The following POLR1A variants were observed in gnomAD, a reference collection of about 807,000 sequenced individuals.
POLR1A encodes the protein DNA-directed RNA polymerase I subunit RPA1.
Under a neutral mutation model 205.3 loss-of-function variants are expected in POLR1A, and 84 were observed. That is an observed-to-expected ratio of 0.41 (90% CI 0.34 to 0.49). POLR1A has a LOEUF of 0.49. Among genes scored for constraint, POLR1A ranks in the 20% least tolerant of loss-of-function variants. The pLI is 0.22. For synonymous variants in POLR1A, 799 were observed against 863.7 expected (o/e 0.93, Z 1.31); for missense variants, 1,645 against 2,204.5 (o/e 0.75, Z 5.08).
Position 86,088,814 on chromosome 2 carries a change from A to G in POLR1A, c.597T>C (p.His199=), listed in dbSNP as rs1395590909. 3.7e-6 allele frequency: 6 copies of G among 1,614,034 alleles called. No homozygotes were observed. The highest frequency in any genetic ancestry group is 4.2e-6 in the Non-Finnish European group (5 of 1,179,920). ...SKLIALFWKA[H]MNAKRCPHCK... ...AGTGGGGACAGCGCTTAGCATTCAT[A>G]TGTGCCTTCCAGAAGAGAGCAATGA... Residue 199 remains histidine (H), a synonymous_variant, in exon 5 of 34, where the codon CAT becomes CAC. Transcript: ENST00000263857.
At chr2:86,080,136 C>T (rs972984539) in intron 9 of POLR1A, among the ~76,000 whole-genome samples, 31 of 152,106 alleles carry the variant, frequency 2.0e-4, no homozygotes, top group Non-Finnish European at 3.7e-4. Flanking sequence ...AGTCTGAGAA[C>T]CCGGACTGTC....
chr2:86,099,168 G>A (rs1160915204), intron 2 of POLR1A, among the ~76,000 whole-genome samples: 1 of 151,994 alleles, frequency 6.6e-6, no homozygotes, highest in African/African-American at 2.4e-5. Context: ...TGGCCAACAT[G>A]ATGAACCTGT....
intron 1 of POLR1A, among the ~76,000 whole-genome samples, chr2:86,100,552 T>A (rs980941108): frequency 4.7e-4 from 70 of 150,520 alleles, no homozygotes; most frequent in African/African-American, 1.6e-3. Flanking sequence ...TTTTTTTTTT[T>A]AACAAGGTCT....
chr2:86,046,855 C>G (rs1175994854), intron 19 of POLR1A, among the ~76,000 whole-genome samples: 2 of 151,386 alleles, frequency 1.3e-5, no homozygotes, highest in South Asian at 4.2e-4. Context: ...AAGAAAGAAA[C>G]AATCATGCAA....
rs779408622 is a variant in POLR1A, at chr2:86,028,071, T to C, written c.4898-22A>G. On this transcript the variant is annotated intron_variant, in intron 32 of 33. Coordinates refer to ENST00000263857, the MANE Select transcript of POLR1A (RefSeq NM_015425.6). This position sits in a 1 kb window ranked among gnomAD's most constrained non-coding sequence, Gnocchi z 4.5. Reference sequence around the variant, plus strand: ...ATGCCTGTCAAACGGGAGGTAAAATTAGGAGGGATTAAGCAGTGACCACGG... The same window carrying C: ...ATGCCTGTCAAACGGGAGGTAAAATCAGGAGGGATTAAGCAGTGACCACGG... The C allele has an allele frequency of 6.2e-7, 1 of 1,613,494 alleles. No homozygotes were observed. Among genetic ancestry groups the C allele is most frequent in the East Asian group, 2.2e-5 (1 of 44,852 alleles).
chr2:86,099,607 A>G (rs1193774573), intron 2 of POLR1A, among the ~76,000 whole-genome samples: 2 of 152,034 alleles, frequency 1.3e-5, no homozygotes, highest in South Asian at 2.1e-4. Flanking sequence ...GCTCAGGGAG[A>G]CCCTGAGAAC....
chr2:86,032,424 T>C (rs752988069), intron 28 of POLR1A, 42 bp from the exon 29 acceptor site: 1 of 1,365,574 alleles, frequency 7.3e-7, no homozygotes. Context: ...AACTCCAATA[T>C]CTAGTGCTCA....
chr2:86,103,474 A>G (rs1274128927), intron 1 of POLR1A, among the ~76,000 whole-genome samples: 1 of 152,254 alleles, frequency 6.6e-6, no homozygotes, highest in African/African-American at 2.4e-5. Context: ...ACCTGGCACA[A>G]TAAAAGGTGG....
intron 3 of POLR1A, among the ~76,000 whole-genome samples, chr2:86,097,834 A>G (rs1673735000): frequency 6.6e-6 from 1 of 152,194 alleles, no homozygotes; most frequent in Non-Finnish European, 1.5e-5. Context: ...ACACCATTAT[A>G]GGATGACCAT....
chr2:86,085,680 G>A (rs950779407), intron 6 of POLR1A, among the ~76,000 whole-genome samples: 1 of 152,188 alleles, frequency 6.6e-6, no homozygotes, highest in African/African-American at 2.4e-5. Context: ...TTCAATCACA[G>A]GATCTTAAAG....
chr2:86,033,698 C>T lies in POLR1A; in HGVS notation c.4124G>A (p.Arg1375Gln), dbSNP rs778698795. 5.3e-5 allele frequency: 86 copies of T among 1,613,888 alleles called. No individual in the cohort carries two copies. Among genetic ancestry groups the T allele is most frequent in the Non-Finnish European group, 6.9e-5 (81 of 1,180,040 alleles). ...RNVNTRRATQRDLDNAGELGR... is the reference protein window; with the variant it reads ...RNVNTRRATQQDLDNAGELGR... ...CAACTCCCCAGCGTTGTCCAGATCC[C>T]GCTGTGTAGCTCTTCGAGTGTTTAC... The change falls in exon 28 of 34, where the codon CGG becomes CAG. Residue 1375 changes from arginine to glutamine, a missense_variant. Coordinates refer to ENST00000263857, the MANE Select transcript of POLR1A (RefSeq NM_015425.6).
rs966266969 is a variant in POLR1A at position 86,082,988 on chromosome 2, T to C, written c.817+94A>G. 1.3e-5 allele frequency: 12 copies of C among 952,702 alleles called. No homozygotes were observed. The African/African-American group carries it at 1.8e-4, about 14-fold the overall frequency. 59.0% of individuals were successfully genotyped at this position (952,702 alleles called of 1,614,324 possible). A position where few individuals can be genotyped will look rare whatever the true frequency, so the allele number is the denominator to read the frequency against. ...AGTTCCAGGAGGAAGCTACAATCAC[T>C]ACAACTTAAAAGAAGTAATAAGGCA... is the stretch of plus-strand genomic sequence containing the variant. On this transcript the variant is annotated intron_variant, in intron 7 of 33. Coordinates refer to ENST00000263857, the MANE Select transcript of POLR1A (RefSeq NM_015425.6).
chr2:86,063,898 A>T (rs1043512993), intron 14 of POLR1A, among the ~76,000 whole-genome samples: 4 of 152,174 alleles, frequency 2.6e-5, no homozygotes, highest in African/African-American at 9.7e-5. Context: ...TTGTGTTTTC[A>T]TTTCATCTAC....
At chr2:86,098,829 T>A in intron 2 of POLR1A, 69 bp from the exon 3 acceptor site, 2 of 1,469,328 alleles carry the variant, frequency 1.4e-6, no homozygotes, top group East Asian at 2.3e-5. Flanking sequence ...ATTTTCGGTA[T>A]ACTCACAAGT....
intron 3 of POLR1A, among the ~76,000 whole-genome samples, chr2:86,093,988 G>A (rs918629015): frequency 3.9e-5 from 6 of 152,112 alleles, no homozygotes; most frequent in African/African-American, 7.2e-5. Context: ...CCTCGATTGC[G>A]GGCATGTCTG....
At chr2:86,074,943 C>T (rs565933186) in intron 12 of POLR1A, 87 bp downstream of exon 12, 195 of 897,198 alleles carry the variant, frequency 2.2e-4, no homozygotes, top group East Asian at 1.2e-3. Flanking sequence ...TGTGTCAGTG[C>T]GCACCGGAGC....
At chr2:86,093,811 A>C (rs1673653850) in intron 3 of POLR1A, among the ~76,000 whole-genome samples, 1 of 152,234 alleles carries the variant, frequency 6.6e-6, no homozygotes, top group Non-Finnish European at 1.5e-5. Flanking sequence ...CTTGGATAAC[A>C]GGGCCAGACT....
chr2:86,077,297 G>A (rs565519146), intron 11 of POLR1A, among the ~76,000 whole-genome samples: 14 of 152,256 alleles, frequency 9.2e-5, no homozygotes, highest in African/African-American at 3.1e-4. Flanking sequence ...GGAGGGGGTC[G>A]GGGGGAGAGC....
chr2:86,063,159 A>T (rs553587665), intron 14 of POLR1A, among the ~76,000 whole-genome samples: 1 of 152,134 alleles, frequency 6.6e-6, no homozygotes, highest in Admixed American at 6.5e-5. Context: ...AACATGGAGA[A>T]ACCCCATCTC....
Sources: gnomAD v4.1 joint callset for allele counts (sites outside exome capture counted in the v4.1 genomes callset) on GRCh38, gnomAD v4.1.1 for gene constraint, Gnocchi (gnomAD v3.1) non-coding constraint, MANE v1.5 for transcripts, NCBI Gene and HGNC (gene_info 2026-07-23, HGNC 2026-07-21) for gene names.